CYP2U1: variants seen among roughly 807,000 people sequenced by gnomAD.
CYP2U1 encodes cytochrome P450 family 2 subfamily U member 1.
CYP2U1 carries 28 observed loss-of-function variants against 42.8 expected under a neutral mutation model. The ratio of observed to expected loss-of-function variants is 0.65; its 90% confidence interval spans 0.48 to 0.90. The LOEUF is 0.90. Ranked by LOEUF, CYP2U1 falls within the 40% of genes least tolerant of loss-of-function variation. The pLI, the probability that CYP2U1 is intolerant of heterozygous loss-of-function variation, is 0.00. For synonymous variants in CYP2U1, 296 were observed against 278.9 expected (o/e 1.06, Z -0.61); for missense variants, 642 against 693.8 (o/e 0.93, Z 0.84).
chr4:107,939,359 G>A (rs1366483442), intron 1 of CYP2U1, among the ~76,000 whole-genome samples: 1 of 152,176 alleles, frequency 6.6e-6, no homozygotes, highest in African/African-American at 2.4e-5. Context: ...AATAGTTTAT[G>A]GGCCTTTATT....
At position 107,947,356 on chromosome 4, in the gene CYP2U1, A is replaced by G. The variant is rs1733731462; in HGVS notation, c.1127-20A>G. 6.2e-7 allele frequency: 1 copy of G among 1,613,038 alleles called. No individual in the cohort carries two copies. The highest frequency in any genetic ancestry group is 8.5e-7 in the Non-Finnish European group (1 of 1,179,214). On this transcript the variant is annotated intron_variant, in intron 2 of 4. Transcript: ENST00000332884. ...CTGTCCCATGCTTATCTTCTGGTTTATTTTTCCCTTTTTACATAGAAAAGG... is the reference window on the plus strand; with the variant it reads ...CTGTCCCATGCTTATCTTCTGGTTTGTTTTTCCCTTTTTACATAGAAAAGG...
rs529806409 is a variant in CYP2U1 at position 107,950,433 on chromosome 4, C to T, written c.*10C>T. ...TATTTCAAGGAGATGAAGAGCATCT[C>T]CAAGAAGAGATGGTAAAAAGATATA... is the stretch of plus-strand genomic sequence containing the variant. On this transcript the variant is annotated 3_prime_UTR_variant, in exon 5 of 5. Coordinates refer to ENST00000332884, the MANE Select transcript of CYP2U1 (RefSeq NM_183075.3). 6.3e-7 allele frequency: 1 copy of T among 1,595,852 alleles called. No homozygotes were observed. The highest frequency in any genetic ancestry group is 1.1e-5 in the South Asian group (1 of 87,692).
At chr4:107,942,629 T>C (rs995088717) in intron 1 of CYP2U1, among the ~76,000 whole-genome samples, 2 of 152,138 alleles carry the variant, frequency 1.3e-5, no homozygotes, top group Non-Finnish European at 2.9e-5. Flanking sequence ...CCCACCCCTA[T>C]ATAGGAAATG....
rs777170829 is a variant in CYP2U1 at position 107,945,211 on chromosome 4, T to G, written c.732T>G (p.Thr244=). 1 of 1,614,102 alleles carries G rather than the reference T, an allele frequency of 6.2e-7. No individual in the cohort carries two copies. The highest frequency in any genetic ancestry group is 2.2e-5 in the East Asian group (1 of 44,860). The change falls in exon 2 of 5, where the codon ACT becomes ACG. Residue 244 remains threonine, a synonymous_variant. Transcript: ENST00000332884. ...SLCFGQRFDY[T]NSEFKKMLGF... is the part of the protein sequence containing the mutation. ...GCTTTGGCCAGCGCTTTGATTACACTAATAGTGAGTTCAAGAAAATGCTTG... is the reference window on the plus strand; with the variant it reads ...GCTTTGGCCAGCGCTTTGATTACACGAATAGTGAGTTCAAGAAAATGCTTG...
Position 107,931,712 on chromosome 4 carries a change from G to T in CYP2U1, c.69G>T (p.Ala23=). 1.5e-6 allele frequency: 2 copies of T among 1,354,384 alleles called. No individual in the cohort carries two copies. Among genetic ancestry groups the T allele is most frequent in the Non-Finnish European group, 1.9e-6 (2 of 1,062,300 alleles). The allele number at this position is 1,354,384 out of a possible 1,614,324, so 83.9% of individuals were successfully genotyped here. A position where few individuals can be genotyped will look rare whatever the true frequency, so the allele number is the denominator to read the frequency against. The part of the protein sequence containing the change: ...DPPWPARLLR[A]PLGLLRLDPS... ...CCTGGCCCGCGCGCCTCCTGCGTGCGCCTCTGGGGCTGCTGCGGCTGGACC... is the reference window on the plus strand; with the variant it reads ...CCTGGCCCGCGCGCCTCCTGCGTGCTCCTCTGGGGCTGCTGCGGCTGGACC... Residue 23 remains alanine (A), a synonymous_variant, in exon 1 of 5, where the codon GCG becomes GCT. Transcript: ENST00000332884.
intron 4 of CYP2U1, among the ~76,000 whole-genome samples, 154 bp from the exon 5 acceptor site, chr4:107,950,091 G>A (rs1189094634): frequency 6.6e-6 from 1 of 152,196 alleles, no homozygotes; most frequent in Non-Finnish European, 1.5e-5. Context: ...AGCATATGCT[G>A]TGGGAGGCTA....
At chr4:107,939,747 T>C (rs1415831455) in intron 1 of CYP2U1, among the ~76,000 whole-genome samples, 1 of 152,138 alleles carries the variant, frequency 6.6e-6, no homozygotes, top group Non-Finnish European at 1.5e-5. Flanking sequence ...CAAGGATAGT[T>C]TGGAATGCAC....
chr4:107,950,425 G>A lies in CYP2U1; in HGVS notation c.*2G>A, dbSNP rs1420087183. 2.5e-6 allele frequency: 4 copies of A among 1,600,362 alleles called. No individual in the cohort carries two copies. The Admixed American group carries it at 5.4e-5, about 21-fold the overall frequency. On this transcript the variant is annotated 3_prime_UTR_variant, in exon 5 of 5. Coordinates refer to ENST00000332884, the MANE Select transcript of CYP2U1 (RefSeq NM_183075.3). ...AATATAACTATTTCAAGGAGATGAA[G>A]AGCATCTCCAAGAAGAGATGGTAAA...
chr4:107,941,578 C>T (rs1464923919), intron 1 of CYP2U1, among the ~76,000 whole-genome samples: 2 of 150,918 alleles, frequency 1.3e-5, no homozygotes, highest in African/African-American at 4.9e-5. Flanking sequence ...TAAGATAAAC[C>T]AGGTAAGGTA....
At chr4:107,940,240 C>T (rs931671524) in intron 1 of CYP2U1, 2 of 135,632 alleles carry the variant, frequency 1.5e-5, no homozygotes, top group African/African-American at 5.9e-5. Flanking sequence ...CCACCACACC[C>T]AGCTAATTAA....
At position 107,949,525 on chromosome 4, in the gene CYP2U1, A is replaced by G. The variant is rs377737033; in HGVS notation, c.1456+8A>G. 62 of 1,531,454 alleles carry G rather than the reference A, an allele frequency of 4.0e-5. 1 individual carries two copies. The East Asian group carries it at 4.6e-4, about 11-fold the overall frequency. The allele number at this position is 1,531,454 out of a possible 1,614,324, so 94.9% of individuals were successfully genotyped here. A position where few individuals can be genotyped will look rare whatever the true frequency, so the allele number is the denominator to read the frequency against. On this transcript the variant is annotated splice_region_variant and intron_variant, in intron 4 of 4. Coordinates refer to ENST00000332884, the MANE Select transcript of CYP2U1 (RefSeq NM_183075.3). ...TTATTCCTTTTGGGATAGGTCAGTT[A>G]CACTTTTTTAAACTGCATAATTTTT...
intron 4 of CYP2U1, among the ~76,000 whole-genome samples, 161 bp downstream of exon 4, chr4:107,949,678 G>A (rs1053239731): frequency 6.6e-6 from 1 of 152,152 alleles, no homozygotes; most frequent in Non-Finnish European, 1.5e-5. Flanking sequence ...GTTCATTTCA[G>A]ATTTTAATAA....
rs1165593258 is a variant in CYP2U1, at chr4:107,949,418, C to G, written c.1357C>G (p.Pro453Ala). 1.2e-6 allele frequency: 2 copies of G among 1,611,044 alleles called. No individual in the cohort carries two copies. The highest frequency in any genetic ancestry group is 8.5e-7 in the Non-Finnish European group (1 of 1,178,318). The change falls in exon 4 of 5, where the codon CCA (proline) becomes GCA (alanine). Residue 453 changes from proline to alanine, a missense_variant. By Grantham distance (27) the Pro-to-Ala change is conservative (BLOSUM62 -1). Coordinates refer to ENST00000332884, the MANE Select transcript of CYP2U1 (RefSeq NM_183075.3). ...CAACCTGTGGTCAGTACATAGAGAC[C>G]CAGCCATTTGGGAGAAACCGGAGGA... ...LPNLWSVHRDPAIWEKPEDFY... is the reference protein window; with the variant it reads ...LPNLWSVHRDAAIWEKPEDFY...
chr4:107,948,402 A>G (rs1733786712), intron 3 of CYP2U1, among the ~76,000 whole-genome samples: 1 of 151,790 alleles, frequency 6.6e-6, no homozygotes, highest in Non-Finnish European at 1.5e-5. Flanking sequence ...CATCTCTACT[A>G]AAAATACAAA....
chr4:107,936,626 G>A (rs1187965190), intron 1 of CYP2U1: 7 of 152,174 alleles, frequency 4.6e-5, no homozygotes, highest in Admixed American at 4.6e-4. Flanking sequence ...GTGGTATTCT[G>A]TTATAGCAAC....
At chr4:107,933,795 T>A (rs923437670) in intron 1 of CYP2U1, among the ~76,000 whole-genome samples, 2 of 152,250 alleles carry the variant, frequency 1.3e-5, no homozygotes, top group Non-Finnish European at 2.9e-5. Context: ...GTAAATGCTT[T>A]GTAAATAGTT....
At chr4:107,937,053 A>T (rs912790506) in intron 1 of CYP2U1, among the ~76,000 whole-genome samples, 3 of 152,220 alleles carry the variant, frequency 2.0e-5, no homozygotes, top group African/African-American at 7.2e-5. Flanking sequence ...TTGACTCTTA[A>T]AACCTGATAT....
rs1334030996 is a variant in CYP2U1 at position 107,952,453 on chromosome 4, G to A, written c.*2030G>A. 6.6e-6 allele frequency: 1 copy of A among 152,238 alleles called. No homozygotes were observed. The highest frequency in any genetic ancestry group is 1.9e-4 in the East Asian group (1 of 5,192). The allele number at this position is 152,238 out of a possible 1,614,324, so 9.4% of individuals were successfully genotyped here. A position where few individuals can be genotyped will look rare whatever the true frequency, so the allele number is the denominator to read the frequency against. ...AGCAGCTACGCTGTTCATACTGATAGAGAAGAGGGCAAGAAAAGATCCAGA... is the reference window on the plus strand; with the variant it reads ...AGCAGCTACGCTGTTCATACTGATAAAGAAGAGGGCAAGAAAAGATCCAGA... On this transcript the variant is annotated 3_prime_UTR_variant, in exon 5 of 5. Coordinates refer to ENST00000332884, the MANE Select transcript of CYP2U1 (RefSeq NM_183075.3).
intron 1 of CYP2U1, chr4:107,936,151 CTG>C (rs1733255179): frequency 6.6e-6 from 1 of 152,168 alleles, no homozygotes; most frequent in Non-Finnish European, 1.5e-5. Flanking sequence ...CATAAAGATG[CTG>C]TGTCCATCAT....
Sources: allele counts gnomAD v4.1 joint callset (sites outside exome capture counted in the v4.1 genomes callset), GRCh38; gene constraint gnomAD v4.1.1; transcripts MANE v1.5; gene names NCBI Gene and HGNC (gene_info 2026-07-23, HGNC 2026-07-21).